CKAP2L: variants seen among roughly 807,000 people sequenced by gnomAD.
CKAP2L encodes the protein cytoskeleton associated protein 2L.
In CKAP2L, 42 loss-of-function variants were observed where a neutral mutation model predicts 65.7. That is an observed-to-expected ratio of 0.64 (90% confidence interval 0.50 to 0.83). The LOEUF is 0.83. Among genes scored for constraint, CKAP2L ranks in the 40% least tolerant of loss-of-function variants. CKAP2L has a pLI of 0.00. For missense variants in CKAP2L, 908 were observed against 871.0 expected (o/e 1.04, Z -0.53); for synonymous variants, 325 against 313.5 (o/e 1.04, Z -0.39).
In CKAP2L at chr2:112,756,035, C is replaced by T. The variant is rs146928974; in HGVS notation, c.1336G>A (p.Val446Ile). The T allele has an allele frequency of 5.3e-5, 86 of 1,611,944 alleles. No homozygotes were observed. The highest frequency in any genetic ancestry group is 9.4e-5 in the African/African-American group (7 of 74,786). Residue 446 changes from valine to isoleucine, a missense_variant, in exon 4 of 9, where the codon GTA becomes ATA. Val to Ile is a conservative substitution (Grantham distance 29, BLOSUM62 3). Transcript: ENST00000302450. Reference protein sequence around the residue: ...APKTQADVTTVNGTQTNPNIK... With the variant: ...APKTQADVTTINGTQTNPNIK... ...TTTGGGTTTGTTTGGGTCCCATTTA[C>T]GGTTGTGACATCAGCTTGAGTTTTG...
chr2:112,756,320 T>C lies in CKAP2L; in HGVS notation c.1051A>G (p.Ile351Val). The C allele has an allele frequency of 6.2e-7, 1 of 1,613,870 alleles. No individual in the cohort carries two copies. The highest frequency in any genetic ancestry group is 8.5e-7 in the Non-Finnish European group (1 of 1,179,876). ...TGGCTGGACTTCTGATCTTGCTTGA[T>C]GTTTGGATGTCTGTTGTTATATTCA... ...QGEYNNRHPN[I>V]KQDQKSSQVC... Residue 351 changes from isoleucine (I) to valine (V), a missense_variant, in exon 4 of 9, where the codon ATC (isoleucine) becomes GTC (valine). Transcript: ENST00000302450.
At position 112,757,182 on chromosome 2, in the gene CKAP2L, A is replaced by G. The variant is rs1312989417; in HGVS notation, c.189T>C (p.His63=). ...TTTTAGGTTTGACAGGCAAAACAACATGGTTGGTAACATCATTTTTGGGTC... is the reference window on the plus strand; with the variant it reads ...TTTTAGGTTTGACAGGCAAAACAACGTGGTTGGTAACATCATTTTTGGGTC... The part of the protein sequence containing the change: ...TIRPKNDVTN[H]VVLPVKPKRS... Residue 63 remains histidine (H), a synonymous_variant, in exon 4 of 9, where the codon CAT becomes CAC. Transcript: ENST00000302450. The G allele has an allele frequency of 1.2e-6, 2 of 1,610,536 alleles. No homozygotes were observed. Among genetic ancestry groups the G allele is most frequent in the South Asian group, 1.1e-5 (1 of 90,538 alleles).
At chr2:112,760,957 A>G (rs1429344866) in intron 2 of CKAP2L, among the ~76,000 whole-genome samples, 193 bp from the exon 3 acceptor site, 2 of 151,820 alleles carry the variant, frequency 1.3e-5, no homozygotes, top group African/African-American at 4.8e-5. Flanking sequence ...CCCCTTGGAG[A>G]CCACCAACTG....
intron 5 of CKAP2L, 113 bp downstream of exon 5, chr2:112,752,154 T>C (rs1680389004): frequency 2.8e-6 from 2 of 715,754 alleles, no homozygotes; most frequent in Non-Finnish European, 4.8e-6. Flanking sequence ...TTTACAAGAG[T>C]AGCTAAATTT....
chr2:112,754,054 AAC>A (rs1303229206), intron 4 of CKAP2L, among the ~76,000 whole-genome samples: 1 of 152,216 alleles, frequency 6.6e-6, no homozygotes, highest in African/African-American at 2.4e-5. Flanking sequence ...GGTATTTAAT[AAC>A]ACACAGTAAA....
chr2:112,749,768 C>T (rs1257698687), intron 5 of CKAP2L, among the ~76,000 whole-genome samples: 1 of 152,216 alleles, frequency 6.6e-6, no homozygotes, highest in African/African-American at 2.4e-5. Flanking sequence ...CAAACCCCAT[C>T]CTCTGCTTTG....
At chr2:112,762,954 A>G (rs1041350762) in intron 1 of CKAP2L, among the ~76,000 whole-genome samples, 6 of 151,970 alleles carry the variant, frequency 3.9e-5, no homozygotes, top group Non-Finnish European at 8.8e-5. Context: ...GGATAATTTT[A>G]AAAAAATTTT....
chr2:112,741,123 C>T (rs1398186105), intron 7 of CKAP2L, 116 bp from the exon 8 acceptor site: 1 of 710,738 alleles, frequency 1.4e-6, no homozygotes, highest in Non-Finnish European at 2.4e-6. Flanking sequence ...TTCATGGGCT[C>T]CACATACTGA....
In CKAP2L at chr2:112,740,806, G is replaced by C; in HGVS notation, c.2012+12C>G. On this transcript the variant is annotated intron_variant, in intron 8 of 8. Coordinates refer to ENST00000302450, the MANE Select transcript of CKAP2L (RefSeq NM_152515.5). ...GTCTGTGAACACAAAGTCTGCTTTA[G>C]AGTTTGCTTACCTAGGGATTGGACC... 6.3e-7 allele frequency: 1 copy of C among 1,594,428 alleles called. No homozygotes were observed. Among genetic ancestry groups the C allele is most frequent in the Non-Finnish European group, 8.6e-7 (1 of 1,165,202 alleles).
intron 8 of CKAP2L, among the ~76,000 whole-genome samples, 194 bp downstream of exon 8, chr2:112,740,624 C>T (rs1353312488): frequency 6.6e-6 from 1 of 152,108 alleles, no homozygotes; most frequent in East Asian, 1.9e-4. Context: ...TCTGCAAGTG[C>T]AGGACAAATG....
At position 112,739,055 on chromosome 2, in the gene CKAP2L, G is replaced by T. The variant is rs142117171; in HGVS notation, c.2013-7C>A. The T allele has an allele frequency of 1.1e-4, 173 of 1,599,934 alleles. 1 individual carries two copies. In the East Asian group the frequency reaches 1.7e-3, roughly 16 times the overall value. On this transcript the variant is annotated splice_polypyrimidine_tract_variant and splice_region_variant and intron_variant, in intron 8 of 8. Coordinates refer to ENST00000302450, the MANE Select transcript of CKAP2L (RefSeq NM_152515.5). ...TTCCGGCATCCCATTTATTCTGAGA[G>T]ACAGCAAGAGATGCATTAAAAACCT...
chr2:112,762,162 T>TTGG, intron 2 of CKAP2L, among the ~76,000 whole-genome samples: 2 of 152,292 alleles, frequency 1.3e-5, no homozygotes, highest in East Asian at 3.9e-4. Flanking sequence ...ACCATGGTCA[T>TTGG]TCAAGTTCTT....
In CKAP2L at chr2:112,738,034, AAC is replaced by A. The variant is rs1430700463; in HGVS notation, c.*787_*788del. 7 of 152,314 alleles carry A rather than the reference AAC, an allele frequency of 4.6e-5. No homozygotes were observed. In the East Asian group the frequency reaches 1.3e-3, roughly 29 times the overall value. 9.4% of individuals were successfully genotyped at this position (152,314 alleles called of 1,614,324 possible). ...CCAGGAGGAAGAAAAAGCAACCTAC[AAC>A]AGTCTCTGGGGCTTGCACTGCCTTC... On this transcript the variant is annotated 3_prime_UTR_variant, in exon 9 of 9. Coordinates refer to ENST00000302450, the MANE Select transcript of CKAP2L (RefSeq NM_152515.5).
intron 6 of CKAP2L, 141 bp from the exon 7 acceptor site, chr2:112,742,910 T>C (rs1333760479): frequency 6.6e-6 from 4 of 602,728 alleles, no homozygotes; most frequent in Non-Finnish European, 1.1e-5. Context: ...TTTGTCTAGC[T>C]TGACAGTTTT....
chr2:112,740,563 C>T (rs1679854989), intron 8 of CKAP2L, among the ~76,000 whole-genome samples: 1 of 152,194 alleles, frequency 6.6e-6, no homozygotes, highest in Admixed American at 6.5e-5. Flanking sequence ...CCCATCTTAT[C>T]ACCCCAACCA....
At chr2:112,747,771 C>G (rs760274262) in intron 5 of CKAP2L, among the ~76,000 whole-genome samples, 3 of 152,170 alleles carry the variant, frequency 2.0e-5, no homozygotes, top group Non-Finnish European at 4.4e-5. Flanking sequence ...AAAACCAACA[C>G]TACATGAAAG....
At position 112,762,490 on chromosome 2, in the gene CKAP2L, C is replaced by G. The variant is rs1680755030; in HGVS notation, c.104+13G>C. The G allele has an allele frequency of 1.9e-6, 3 of 1,610,098 alleles. No homozygotes were observed. In the African/African-American group the frequency reaches 4.0e-5, roughly 22 times the overall value. The stretch of plus-strand genomic sequence containing the variant: ...GCAACAAAACTTGCGTAACTGTGGA[C>G]AGATAAACTCACTTGGTGTTTTGGC... On this transcript the variant is annotated intron_variant, in intron 2 of 8. Coordinates refer to ENST00000302450, the MANE Select transcript of CKAP2L (RefSeq NM_152515.5).
chr2:112,757,499 C>T (rs1413087757), intron 3 of CKAP2L, among the ~76,000 whole-genome samples: 1 of 150,666 alleles, frequency 6.6e-6, no homozygotes, highest in Non-Finnish European at 1.5e-5. Flanking sequence ...AAGCAATTCT[C>T]CCACCCCAAC....
intron 5 of CKAP2L, among the ~76,000 whole-genome samples, chr2:112,747,947 AC>A (rs1558757836): frequency 6.6e-6 from 1 of 152,252 alleles, no homozygotes; most frequent in Non-Finnish European, 1.5e-5. Context: ...AACTGCATGG[AC>A]AGCGCTGAAG....
Sources: allele counts gnomAD v4.1 joint callset (sites outside exome capture counted in the v4.1 genomes callset), GRCh38; gene constraint gnomAD v4.1.1; transcripts MANE v1.5; gene names NCBI Gene and HGNC (gene_info 2026-07-23, HGNC 2026-07-21).